RBM28: variants seen among roughly 807,000 people sequenced by gnomAD.
RBM28 encodes the protein RNA binding motif protein 28.
Under a neutral mutation model 98.3 loss-of-function variants are expected in RBM28, and 78 were observed. The ratio of observed to expected loss-of-function variants is 0.79; its 90% CI spans 0.66 to 0.96. The LOEUF (loss-of-function observed/expected upper bound fraction) is 0.96, where lower values mean the gene tolerates loss of function less well. Among genes scored for constraint, RBM28 ranks in the 40% least tolerant of loss-of-function variants. The probability of loss-of-function intolerance (pLI) is 0.00; values close to 1 mark genes in which losing one functional copy is unlikely to be tolerated. For synonymous variants in RBM28, 306 were observed against 330.9 expected (o/e 0.92, Z 0.82); for missense variants, 838 against 913.0 (o/e 0.92, Z 1.06).
Position 128,308,124 on chromosome 7 carries a change from A to G in RBM28, c.*2673T>C, listed in dbSNP as rs1266410856. On this transcript the variant is annotated 3_prime_UTR_variant, in exon 19 of 19. Transcript: ENST00000223073. ...AAATAGCCCATGGTAAGGTGTTCCA[A>G]AGGAAGACACCATATATAGAATTTG... The G allele has an allele frequency of 6.6e-6, 1 of 152,212 alleles. No homozygotes were observed. Among genetic ancestry groups the G allele is most frequent in the East Asian group, 1.9e-4 (1 of 5,204 alleles). The allele number at this position is 152,212 out of a possible 1,614,324, so 9.4% of individuals were successfully genotyped here.
chr7:128,318,974 G>A (rs902007086), intron 14 of RBM28, among the ~76,000 whole-genome samples: 1 of 152,220 alleles, frequency 6.6e-6, no homozygotes, highest in Non-Finnish European at 1.5e-5. Context: ...AGAAGTTTCA[G>A]CTCTCTTTGC....
At chr7:128,313,140 T>C (rs1192342782) in intron 18 of RBM28, 35 bp downstream of exon 18, 2 of 1,586,192 alleles carry the variant, frequency 1.3e-6, no homozygotes, top group Non-Finnish European at 1.7e-6. Context: ...GGCAGAACCA[T>C]GCCATACCAA....
intron 6 of RBM28, among the ~76,000 whole-genome samples, 171 bp downstream of exon 6, chr7:128,336,960 C>G (rs1018491113): frequency 6.6e-6 from 1 of 152,086 alleles, no homozygotes. Context: ...GTTGGCCAGG[C>G]TGGTCTCAAA....
At chr7:128,320,406 T>TAA (rs1183275186) in intron 14 of RBM28, among the ~76,000 whole-genome samples, 5 of 92,998 alleles carry the variant, frequency 5.4e-5, no homozygotes, top group African/African-American at 2.4e-4. Context: ...AGACCACATC[T>TAA]AAAAAAAAAA....
At position 128,339,103 on chromosome 7, in the gene RBM28, T is replaced by G. The variant is rs552536450; in HGVS notation, c.372+124A>C. The G allele has an allele frequency of 2.1e-3, 1,926 of 926,056 alleles. 13 individuals carry two copies. The highest frequency in any genetic ancestry group is 1.8e-3 in the Non-Finnish European group (993 of 562,338). The allele number at this position is 926,056 out of a possible 1,614,324, so 57.4% of individuals were successfully genotyped here. A position where few individuals can be genotyped will look rare whatever the true frequency, so the allele number is the denominator to read the frequency against. ...GCCCACTTTCTGAATTCAACAGGGG[T>G]AAGGTTGATTCCCAGAAGGAATTAA... On this transcript the variant is annotated intron_variant, in intron 3 of 18. Transcript: ENST00000223073.
intron 17 of RBM28, among the ~76,000 whole-genome samples, chr7:128,314,417 A>C (rs1234972611): frequency 6.6e-6 from 1 of 152,250 alleles, no homozygotes; most frequent in Non-Finnish European, 1.5e-5. Context: ...TATTTTGTAA[A>C]GATTTACTTT....
chr7:128,324,409 A>T, intron 12 of RBM28, 150 bp downstream of exon 12: 1 of 1,159,808 alleles, frequency 8.6e-7, no homozygotes. Flanking sequence ...AGAGAGCCAC[A>T]TTTATTAAAG....
rs761101057 is a variant in RBM28, at chr7:128,343,755, G to T, written c.39C>A (p.Pro13=). The change falls in exon 1 of 19, where the codon CCC becomes CCA. Residue 13 remains proline (P), a synonymous_variant. Coordinates refer to ENST00000223073, the MANE Select transcript of RBM28 (RefSeq NM_018077.3). ...GLTLFVGRLP[P]SARSEQLEEL... The stretch of plus-strand genomic sequence containing the variant: ...CCTCCAGCTGCTCACTGCGGGCCGA[G>T]GGCGGGAGGCGGCCCACAAATAAGG... 1 of 1,610,274 alleles carries T rather than the reference G, an allele frequency of 6.2e-7. No homozygotes were observed. The highest frequency in any genetic ancestry group is 8.5e-7 in the Non-Finnish European group (1 of 1,178,058).
At chr7:128,313,785 A>G (rs1043030750) in intron 17 of RBM28, among the ~76,000 whole-genome samples, 1 of 152,064 alleles carries the variant, frequency 6.6e-6, no homozygotes, top group Admixed American at 6.6e-5. Context: ...ACGGTGAATG[A>G]GTTACCACAA....
rs963927882 is a variant in RBM28 at position 128,339,740 on chromosome 7, T to C, written c.170A>G (p.Asp57Gly). 1 of 1,613,886 alleles carries C rather than the reference T, an allele frequency of 6.2e-7. No homozygotes were observed. Among genetic ancestry groups the C allele is most frequent in the Non-Finnish European group, 8.5e-7 (1 of 1,179,916 alleles). The part of the protein sequence containing the change: ...FGYVTFSMLE[D>G]VQRALKEITT... ...AATCTCCTTGAGGGCCCTCTGAACA[T>C]CTTCCAGCATTGAAAAAGTGACATA... is the stretch of plus-strand genomic sequence containing the variant. Residue 57 changes from aspartate to glycine, a missense_variant, in exon 2 of 19, where the codon GAT becomes GGT. Coordinates refer to ENST00000223073, the MANE Select transcript of RBM28 (RefSeq NM_018077.3).
chr7:128,325,212 CA>C (rs998000714), intron 11 of RBM28, among the ~76,000 whole-genome samples: 2 of 152,056 alleles, frequency 1.3e-5, no homozygotes, highest in Non-Finnish European at 2.9e-5. Flanking sequence ...TATAGCTGTG[CA>C]AAAGGCCACA....
rs143925471 is a variant in RBM28 at position 128,308,602 on chromosome 7, G to C, written c.*2195C>G. 1,265 of 152,276 alleles carry C rather than the reference G, an allele frequency of 8.3e-3. 12 individuals are homozygous for C. Among genetic ancestry groups the C allele is most frequent in the Non-Finnish European group, 0.012 (839 of 68,030 alleles). The allele number at this position is 152,276 out of a possible 1,614,324, so 9.4% of individuals were successfully genotyped here. A position where few individuals can be genotyped will look rare whatever the true frequency, so the allele number is the denominator to read the frequency against. ...ACCTGTCCTTTCGATCTCTCCAAAA[G>C]GTCTAAATATTTCCATGGCCTCTCC... is the stretch of plus-strand genomic sequence containing the variant. On this transcript the variant is annotated 3_prime_UTR_variant, in exon 19 of 19. Coordinates refer to ENST00000223073, the MANE Select transcript of RBM28 (RefSeq NM_018077.3).
At position 128,330,572 on chromosome 7, in the gene RBM28, G is replaced by A. The variant is rs141694917; in HGVS notation, c.1129+247C>T. On this transcript the variant is annotated intron_variant, in intron 10 of 18. Coordinates refer to ENST00000223073, the MANE Select transcript of RBM28 (RefSeq NM_018077.3). ...ATTTTAGTAGAGACGGGGTTTCACC[G>A]TGTTGCCCAGGCTGGTCTCAAACTC... Among the ~76,000 whole-genome samples the A allele has an allele frequency of 6.8e-3, 1,034 of 152,000 alleles. 9 individuals are homozygous for A. Among genetic ancestry groups the A allele is most frequent in the African/African-American group, 0.024 (981 of 41,450 alleles).
chr7:128,313,861 T>G (rs1796044278), intron 17 of RBM28, among the ~76,000 whole-genome samples: 1 of 152,208 alleles, frequency 6.6e-6, no homozygotes, highest in Non-Finnish European at 1.5e-5. Flanking sequence ...CCACTTCACC[T>G]TCCACTATGA....
At chr7:128,339,128 A>G (rs1231635452) in intron 3 of RBM28, 99 bp downstream of exon 3, 15 of 1,114,742 alleles carry the variant, frequency 1.3e-5, no homozygotes, top group Non-Finnish European at 1.8e-5. Context: ...GAAGGAATTA[A>G]GCCCAATTAT....
At chr7:128,334,166 C>T (rs1398245640) in intron 8 of RBM28, among the ~76,000 whole-genome samples, 1 of 152,208 alleles carries the variant, frequency 6.6e-6, no homozygotes, top group African/African-American at 2.4e-5. Context: ...GGGAGACTCA[C>T]TGTTTGTTTT....
chr7:128,318,756 A>G (rs1006673996), intron 14 of RBM28, among the ~76,000 whole-genome samples: 8 of 152,254 alleles, frequency 5.3e-5, no homozygotes, highest in Non-Finnish European at 1.2e-4. Context: ...TTTGCGATAC[A>G]TACAAATTGA....
chr7:128,333,300 C>T lies in RBM28; in HGVS notation c.1009G>A (p.Val337Ile). Residue 337 changes from valine to isoleucine, a missense_variant, in exon 9 of 19, where the codon GTT (valine) becomes ATT (isoleucine). Coordinates refer to ENST00000223073, the MANE Select transcript of RBM28 (RefSeq NM_018077.3). ...LPSDVNEGKT[V>I]FIRNLSFDSE... ...GGCAGAAAGACATACCTGATAAAAA[C>T]AGTTTTCCCTTCATTCACATCAGAG... 1.3e-6 allele frequency: 2 copies of T among 1,596,622 alleles called. No homozygotes were observed. Among genetic ancestry groups the T allele is most frequent in the Non-Finnish European group, 1.7e-6 (2 of 1,164,096 alleles).
chr7:128,333,586 C>T (rs940442966), intron 8 of RBM28, among the ~76,000 whole-genome samples: 2 of 152,136 alleles, frequency 1.3e-5, no homozygotes, highest in African/African-American at 4.8e-5. Flanking sequence ...GGCGTGGTAG[C>T]AGGCACCTAT....
Sources: allele counts gnomAD v4.1 joint callset (sites outside exome capture counted in the v4.1 genomes callset), GRCh38; gene constraint gnomAD v4.1.1; transcripts MANE v1.5; gene names NCBI Gene and HGNC (gene_info 2026-07-23, HGNC 2026-07-21).